Variants in PPP1R1A observed in about 807,000 individuals in gnomAD.
PPP1R1A encodes protein phosphatase 1 regulatory subunit 1A.
Under a neutral mutation model 23.9 loss-of-function variants are expected in PPP1R1A, and 18 were observed. That is an observed-to-expected ratio of 0.75 (90% CI 0.52 to 1.12). PPP1R1A has a LOEUF of 1.12. Among genes scored for constraint, PPP1R1A ranks in the 50% most tolerant of loss-of-function variants. The probability of loss-of-function intolerance (pLI) is 0.00; values close to 1 mark genes in which losing one functional copy is unlikely to be tolerated. For synonymous variants in PPP1R1A, 84 were observed against 80.7 expected (o/e 1.04, Z -0.22); for missense variants, 207 against 223.8 (o/e 0.92, Z 0.48).
chr12:54,581,855 T>G lies in PPP1R1A; in HGVS notation c.403+121A>C. 1.9e-6 allele frequency: 2 copies of G among 1,080,978 alleles called. 1 individual carries two copies. The highest frequency in any genetic ancestry group is 5.3e-5 in the East Asian group (2 of 38,068). 67.0% of individuals were successfully genotyped at this position (1,080,978 alleles called of 1,614,324 possible). The stretch of plus-strand genomic sequence containing the variant: ...AACAGATCCATATCCTTGAGACAGT[T>G]TTTGCCTACTACTAGGCCTCTCCCA... On this transcript the variant is annotated intron_variant, in intron 5 of 6. Transcript: ENST00000257905. The surrounding 1 kb of genome is among the most constrained non-coding windows in gnomAD (Gnocchi z 4.1).
At position 54,582,108 on chromosome 12, in the gene PPP1R1A, G is replaced by C. The variant is rs757323503; in HGVS notation, c.271C>G (p.His91Asp). 3 of 1,613,482 alleles carry C rather than the reference G, an allele frequency of 1.9e-6. No homozygotes were observed. The African/African-American group carries it at 4.0e-5, about 22-fold the overall frequency. The change falls in exon 5 of 7, where the codon CAC (histidine) becomes GAC (aspartate). Residue 91 changes from histidine to aspartate, a missense_variant. His to Asp is a moderately conservative substitution (Grantham distance 81, BLOSUM62 -1). Coordinates refer to ENST00000257905, the MANE Select transcript of PPP1R1A (RefSeq NM_006741.4). Reference protein sequence around the residue: ...MKELQMMVEHHLGQQQQGEEP... With the variant: ...MKELQMMVEHDLGQQQQGEEP... The stretch of plus-strand genomic sequence containing the variant: ...TCTCCTTGCTGCTGTTGCCCCAGGT[G>C]ATGTTCAACCATCATCTGGAGCTCT...
chr12:54,586,239 C>T (rs1207182500), intron 1 of PPP1R1A, among the ~76,000 whole-genome samples: 1 of 152,186 alleles, frequency 6.6e-6, no homozygotes, highest in Admixed American at 6.5e-5. Flanking sequence ...TGACCTATTC[C>T]TTTGCTTTGG....
rs1418328370 is a variant in PPP1R1A, at chr12:54,581,247, T to G, written c.404-197A>C. Reference sequence around the variant, plus strand: ...CTATATGTTCACTTTTAAAAAATCTTCAATCAAATTGGAAAGAATAAACCC... The same window carrying G: ...CTATATGTTCACTTTTAAAAAATCTGCAATCAAATTGGAAAGAATAAACCC... On this transcript the variant is annotated intron_variant, in intron 5 of 6. Transcript: ENST00000257905. The surrounding 1 kb of genome is among the most constrained non-coding windows in gnomAD (Gnocchi z 4.1). 6.6e-6 allele frequency among the ~76,000 whole-genome samples: 1 copy of G among 152,208 alleles called. No individual in the cohort carries two copies. The highest frequency in any genetic ancestry group is 1.5e-5 in the Non-Finnish European group (1 of 68,034).
At chr12:54,583,884 C>G (rs771580108) in intron 2 of PPP1R1A, among the ~76,000 whole-genome samples, 2 of 152,218 alleles carry the variant, frequency 1.3e-5, no homozygotes, top group African/African-American at 4.8e-5. Flanking sequence ...TCCCCTCCCC[C>G]TCTGGGGGCT....
At chr12:54,580,452 CTTCCCCT>C in intron 6 of PPP1R1A, 60 bp from the exon 7 acceptor site, 1 of 1,520,636 alleles carries the variant, frequency 6.6e-7, no homozygotes, top group African/African-American at 1.4e-5. Context: ...CATTTTGTCC[CTTCCCCT>C]TCTGGCCATC....
Position 54,581,949 on chromosome 12 carries a change from C to T in PPP1R1A, c.403+27G>A, listed in dbSNP as rs1185161726. ...CCTGCTGGGCTGGGAAATAGGATGC[C>T]TGGGGCCCTCCCCAGCCTGAACATA... On this transcript the variant is annotated intron_variant, in intron 5 of 6. Transcript: ENST00000257905. The surrounding 1 kb of genome is among the most constrained non-coding windows in gnomAD (Gnocchi z 4.1). 3 of 1,590,966 alleles carry T rather than the reference C, an allele frequency of 1.9e-6. No individual in the cohort carries two copies. The South Asian group carries it at 3.4e-5, about 18-fold the overall frequency.
chr12:54,581,435 C>T lies in PPP1R1A; in HGVS notation c.404-385G>A, dbSNP rs1238847367. Among the ~76,000 whole-genome samples, 1 of 152,206 alleles carries T rather than the reference C, an allele frequency of 6.6e-6. No individual in the cohort carries two copies. Among genetic ancestry groups the T allele is most frequent in the Non-Finnish European group, 1.5e-5 (1 of 68,042 alleles). ...TCTGCCGGGAATACTATGCGATACACAGTTTATGTACTATATCTTCATAAA... is the reference window on the plus strand; with the variant it reads ...TCTGCCGGGAATACTATGCGATACATAGTTTATGTACTATATCTTCATAAA... On this transcript the variant is annotated intron_variant, in intron 5 of 6. Coordinates refer to ENST00000257905, the MANE Select transcript of PPP1R1A (RefSeq NM_006741.4). The surrounding 1 kb of genome is among the most constrained non-coding windows in gnomAD (Gnocchi z 4.1).
intron 1 of PPP1R1A, among the ~76,000 whole-genome samples, chr12:54,587,780 G>A (rs1441314984): frequency 1.3e-5 from 2 of 152,042 alleles, no homozygotes; most frequent in African/African-American, 4.8e-5. Context: ...GGCCATGTGC[G>A]GAGACTTGAA....
intron 2 of PPP1R1A, 147 bp downstream of exon 2, chr12:54,584,113 A>T: frequency 2.3e-6 from 2 of 862,152 alleles, no homozygotes; most frequent in African/African-American, 3.3e-5. Flanking sequence ...AATATTCTGC[A>T]ATCTAGCCAC....
intron 4 of PPP1R1A, among the ~76,000 whole-genome samples, chr12:54,582,398 G>A (rs192146043): frequency 1.8e-3 from 267 of 152,338 alleles, no homozygotes; most frequent in Non-Finnish European, 2.6e-3. Flanking sequence ...CACTTGCTGG[G>A]ATACATGGTC....
chr12:54,588,333 T>C, intron 1 of PPP1R1A, 72 bp downstream of exon 1: 3 of 1,201,460 alleles, frequency 2.5e-6, no homozygotes, highest in Non-Finnish European at 1.1e-6. Context: ...GCAGGGATCC[T>C]GGGTCCCACC....
In PPP1R1A at chr12:54,583,193, T is replaced by A; in HGVS notation, c.183+18A>T. ...TGGGGGTTTTTTGGGCTGGGCTTAGTGGGATGGGCCAGCTCACCTTGAGAT... is the reference window on the plus strand; with the variant it reads ...TGGGGGTTTTTTGGGCTGGGCTTAGAGGGATGGGCCAGCTCACCTTGAGAT... On this transcript the variant is annotated intron_variant, in intron 3 of 6. Transcript: ENST00000257905. 1 of 1,557,592 alleles carries A rather than the reference T, an allele frequency of 6.4e-7. No homozygotes were observed. The highest frequency in any genetic ancestry group is 8.6e-7 in the Non-Finnish European group (1 of 1,156,768).
rs368156230 is a variant in PPP1R1A, at chr12:54,584,017, G to A, written c.145+243C>T. Reference sequence around the variant, plus strand: ...CTGTTGTCGCAGCAACCAGCACTCAGTTGACCACCCCAATTCCTGGGGGGC... The same window carrying A: ...CTGTTGTCGCAGCAACCAGCACTCAATTGACCACCCCAATTCCTGGGGGGC... On this transcript the variant is annotated intron_variant, in intron 2 of 6. Transcript: ENST00000257905. Among the ~76,000 whole-genome samples, 9 of 152,316 alleles carry A rather than the reference G, an allele frequency of 5.9e-5. 1 individual carries two copies. In the South Asian group the frequency reaches 1.2e-3, roughly 21 times the overall value.
At chr12:54,586,392 C>T (rs751642708) in intron 1 of PPP1R1A, among the ~76,000 whole-genome samples, 20 of 152,190 alleles carry the variant, frequency 1.3e-4, no homozygotes, top group Non-Finnish European at 2.2e-4. Flanking sequence ...TTTCTCATAC[C>T]TATCCCAAAT....
chr12:54,580,653 T>C (rs1050838964), intron 6 of PPP1R1A, among the ~76,000 whole-genome samples: 1 of 152,242 alleles, frequency 6.6e-6, no homozygotes, highest in Non-Finnish European at 1.5e-5. Context: ...AGGATCTCCC[T>C]TCGGGTTCCA....
chr12:54,582,198 G>T, intron 4 of PPP1R1A, 67 bp from the exon 5 acceptor site: 3 of 1,471,458 alleles, frequency 2.0e-6, no homozygotes, highest in Non-Finnish European at 2.7e-6. Context: ...GTGGGCCTCC[G>T]GATTCAACAG....
intron 2 of PPP1R1A, among the ~76,000 whole-genome samples, chr12:54,583,929 C>T (rs1470126265): frequency 1.3e-5 from 2 of 152,098 alleles, no homozygotes; most frequent in Non-Finnish European, 2.9e-5. Flanking sequence ...CTCCCCCTCA[C>T]AGCTGACACT....
intron 6 of PPP1R1A, 63 bp from the exon 7 acceptor site, chr12:54,580,455 C>T (rs1957844023): frequency 2.0e-6 from 3 of 1,480,558 alleles, no homozygotes; most frequent in African/African-American, 2.8e-5. Flanking sequence ...TTTGTCCCTT[C>T]CCCTTCTGGC....
Position 54,581,827 on chromosome 12 carries a change from G to T in PPP1R1A, c.403+149C>A. ...GAAGATTCAAATATATGCCGAACAT[G>T]CCAACAGATCCATATCCTTGAGACA... is the stretch of plus-strand genomic sequence containing the variant. On this transcript the variant is annotated intron_variant, in intron 5 of 6. Coordinates refer to ENST00000257905, the MANE Select transcript of PPP1R1A (RefSeq NM_006741.4). The surrounding 1 kb of genome is among the most constrained non-coding windows in gnomAD (Gnocchi z 4.1). The T allele has an allele frequency of 1.3e-6, 1 of 769,808 alleles. No homozygotes were observed. The highest frequency in any genetic ancestry group is 1.9e-6 in the Non-Finnish European group (1 of 514,190). The allele number at this position is 769,808 out of a possible 1,614,324, so 47.7% of individuals were successfully genotyped here.
Sources: gnomAD v4.1 joint callset for allele counts (sites outside exome capture counted in the v4.1 genomes callset) on GRCh38, gnomAD v4.1.1 for gene constraint, Gnocchi (gnomAD v3.1) non-coding constraint, MANE v1.5 for transcripts, NCBI Gene and HGNC (gene_info 2026-07-23, HGNC 2026-07-21) for gene names.